Variants in ZNF257 observed in about 807,000 individuals in gnomAD.
ZNF257 encodes the protein zinc finger protein 257.
Under a neutral mutation model 11.9 loss-of-function variants are expected in ZNF257, and 12 were observed. The observed-to-expected ratio is 1.01, with a 90% CI of 0.65 to 1.63. The LOEUF is 1.63. Ranked by LOEUF, ZNF257 falls within the 40% of genes most tolerant of loss-of-function variation. ZNF257 has a pLI of 0.00. For synonymous variants in ZNF257, 183 were observed against 222.7 expected (o/e 0.82, Z 1.59); for missense variants, 580 against 665.5 (o/e 0.87, Z 1.41).
chr19:22,067,835 A>AAAAAAAT (rs985366410), intron 1 of ZNF257, among the ~76,000 whole-genome samples: 1 of 148,850 alleles, frequency 6.7e-6, no homozygotes, highest in East Asian at 1.9e-4. Flanking sequence ...CTCTATCTCA[A>AAAAAAAT]AAAAAATAAA....
At chr19:22,078,011 G>A (rs928189704) in intron 3 of ZNF257, among the ~76,000 whole-genome samples, 5 of 151,574 alleles carry the variant, frequency 3.3e-5, no homozygotes, top group African/African-American at 1.2e-4. Context: ...AGGCCAAGGT[G>A]GGCGGATCAC....
At position 22,052,541 on chromosome 19, in the gene ZNF257, C is replaced by T. The variant is rs1971728027; in HGVS notation, c.-92C>T. On this transcript the variant is annotated 5_prime_UTR_variant, in exon 1 of 4. Transcript: ENST00000594947. ...TCTCGTCTTCCCTGGTCTGTGTCCTCTTCTCCTAGGGGCCCAGCCTCTGTG... is the reference window on the plus strand; with the variant it reads ...TCTCGTCTTCCCTGGTCTGTGTCCTTTTCTCCTAGGGGCCCAGCCTCTGTG... 2.0e-5 allele frequency: 30 copies of T among 1,501,042 alleles called. No individual in the cohort carries two copies. The highest frequency in any genetic ancestry group is 1.7e-4 in the Middle Eastern group (1 of 5,730). The allele number at this position is 1,501,042 out of a possible 1,614,324, so 93.0% of individuals were successfully genotyped here. A position where few individuals can be genotyped will look rare whatever the true frequency, so the allele number is the denominator to read the frequency against.
intron 3 of ZNF257, among the ~76,000 whole-genome samples, chr19:22,084,065 G>T (rs914150764): frequency 1.1e-4 from 17 of 151,694 alleles, no homozygotes; most frequent in African/African-American, 3.9e-4. Context: ...GCTTGAACCC[G>T]GGAAGCAGAG....
intron 1 of ZNF257, chr19:22,064,363 A>G (rs1335608513): frequency 6.6e-6 from 1 of 152,168 alleles, no homozygotes; most frequent in Non-Finnish European, 1.5e-5. Context: ...TTTTTTACTC[A>G]AGGTTGTCAT....
At chr19:22,053,094 G>C (rs1260656945) in intron 1 of ZNF257, among the ~76,000 whole-genome samples, 1 of 152,134 alleles carries the variant, frequency 6.6e-6, no homozygotes, top group African/African-American at 2.4e-5. Flanking sequence ...CAAAAATCCG[G>C]GCGCGGTGGC....
In ZNF257 at chr19:22,078,792, C is replaced by CTTT. The variant is rs376822565; in HGVS notation, c.226+5243_226+5245dup. On this transcript the variant is annotated intron_variant, in intron 3 of 3. Transcript: ENST00000594947. ...TGTTGACACCCAGTTTTCTTTCTTT[C>CTTT]TTTTTTTTTTTTTTTTTGAGACGGA... 4.8e-3 allele frequency among the ~76,000 whole-genome samples: 640 copies of CTTT among 132,982 alleles called. 4 individuals are homozygous for CTTT. Among genetic ancestry groups the CTTT allele is most frequent in the African/African-American group, 0.016 (583 of 35,640 alleles). The allele number at this position is 132,982 out of a possible 152,430, so 87.2% of individuals were successfully genotyped here.
intron 3 of ZNF257, among the ~76,000 whole-genome samples, chr19:22,076,860 T>C (rs372643441): frequency 6.6e-6 from 1 of 152,082 alleles, no homozygotes; most frequent in African/African-American, 2.4e-5. Context: ...GGCTAATTTT[T>C]GGTATTTTTA....
chr19:22,058,811 A>G (rs2021714520), intron 1 of ZNF257, among the ~76,000 whole-genome samples: 1 of 152,092 alleles, frequency 6.6e-6, no homozygotes, highest in Non-Finnish European at 1.5e-5. Context: ...CCCAGTCACA[A>G]AGACACCCAC....
chr19:22,071,510 A>G (rs1029385945), intron 1 of ZNF257, among the ~76,000 whole-genome samples: 1 of 152,026 alleles, frequency 6.6e-6, no homozygotes, highest in Non-Finnish European at 1.5e-5. Flanking sequence ...CATGTCTCAT[A>G]TCAAGAGCTG....
intron 1 of ZNF257, among the ~76,000 whole-genome samples, chr19:22,065,033 G>A (rs1288741931): frequency 6.9e-6 from 1 of 145,882 alleles, no homozygotes; most frequent in Admixed American, 6.8e-5. Flanking sequence ...CAGCCTGGGC[G>A]AAAGAACGAG....
In ZNF257 at chr19:22,090,726, AATT is replaced by A. The variant is rs1268723848; in HGVS notation, c.*1287_*1289del. On this transcript the variant is annotated 3_prime_UTR_variant, in exon 4 of 4. Coordinates refer to ENST00000594947, the MANE Select transcript of ZNF257 (RefSeq NM_033468.4). ...AAATTCAAGTATACTTTTTTGATAA[AATT>A]ATAAAGCTTTTTAAAAGTAAATAAT... 4 of 152,108 alleles carry A rather than the reference AATT, an allele frequency of 2.6e-5. No individual in the cohort carries two copies. Among genetic ancestry groups the A allele is most frequent in the African/African-American group, 9.7e-5 (4 of 41,380 alleles). The allele number at this position is 152,108 out of a possible 1,614,324, so 9.4% of individuals were successfully genotyped here. A position where few individuals can be genotyped will look rare whatever the true frequency, so the allele number is the denominator to read the frequency against.
At chr19:22,080,883 GT>G (rs35481296) in intron 3 of ZNF257, among the ~76,000 whole-genome samples, 29 of 143,200 alleles carry the variant, frequency 2.0e-4, no homozygotes, top group Admixed American at 2.1e-4. Context: ...TATATAGTTG[GT>G]TTTTTTTTTT....
chr19:22,088,406 A>G lies in ZNF257; in HGVS notation c.656A>G (p.His219Arg), dbSNP rs1408200873. ...AFNQSSALTR[H>R]KMTHTGEKPY... ...AACCAGTCCTCAGCTCTTACTCGAC[A>G]TAAGATGACTCATACTGGAGAGAAA... The change falls in exon 4 of 4, where the codon CAT becomes CGT. Residue 219 changes from histidine to arginine, a missense_variant. His to Arg is a conservative substitution (Grantham distance 29, BLOSUM62 0). Coordinates refer to ENST00000594947, the MANE Select transcript of ZNF257 (RefSeq NM_033468.4). 2 of 1,613,184 alleles carry G rather than the reference A, an allele frequency of 1.2e-6. No individual in the cohort carries two copies. Among genetic ancestry groups the G allele is most frequent in the East Asian group, 2.2e-5 (1 of 44,854 alleles).
chr19:22,054,946 A>G, intron 1 of ZNF257, among the ~76,000 whole-genome samples: 1 of 140,852 alleles, frequency 7.1e-6, no homozygotes, highest in East Asian at 2.1e-4. Flanking sequence ...TTCTTATAGC[A>G]CAACCTGAGT....
At chr19:22,054,239 G>A (rs116220423) in intron 1 of ZNF257, among the ~76,000 whole-genome samples, 21,408 of 151,704 alleles carry the variant, frequency 0.14, 1,618 homozygotes, top group Middle Eastern at 0.2. Flanking sequence ...CACCTGGCTA[G>A]TTATTGTATT....
chr19:22,065,043 GA>G (rs965854219), intron 1 of ZNF257, among the ~76,000 whole-genome samples: 16 of 141,112 alleles, frequency 1.1e-4, no homozygotes, highest in African/African-American at 4.5e-4. Context: ...GAAAGAACGA[GA>G]CTCCGCCTCA....
intron 1 of ZNF257, among the ~76,000 whole-genome samples, chr19:22,062,207 C>A (rs10406119): frequency 0.23 from 34,330 of 148,090 alleles, 5,494 homozygotes; most frequent in African/African-American, 0.45. Context: ...ATTGCAGGCA[C>A]CCACCACTGC....
At chr19:22,072,695 C>A in intron 1 of ZNF257, 114 bp from the exon 2 acceptor site, 1 of 1,299,870 alleles carries the variant, frequency 7.7e-7, no homozygotes, top group Non-Finnish European at 1.1e-6. Flanking sequence ...TTGGTCACTC[C>A]AATAAGGCAG....
At chr19:22,059,646 T>TC (rs2021740056) in intron 1 of ZNF257, among the ~76,000 whole-genome samples, 2 of 96,276 alleles carry the variant, frequency 2.1e-5, no homozygotes, top group South Asian at 3.2e-4. Context: ...TTCTTTTCTT[T>TC]TTTTTTTTTT....
Sources: allele counts gnomAD v4.1 joint callset (sites outside exome capture counted in the v4.1 genomes callset), GRCh38; gene constraint gnomAD v4.1.1; transcripts MANE v1.5; gene names NCBI Gene and HGNC (gene_info 2026-07-23, HGNC 2026-07-21).